The following TNFRSF8 variants were observed in gnomAD, a reference collection of about 807,000 sequenced individuals.
TNFRSF8 encodes tumor necrosis factor receptor superfamily member 8.
Under a neutral mutation model 70.8 loss-of-function variants are expected in TNFRSF8, and 26 were observed. The ratio of observed to expected loss-of-function variants is 0.37; its 90% CI spans 0.27 to 0.51. The LOEUF (loss-of-function observed/expected upper bound fraction) is 0.51. TNFRSF8 is among the 20% of genes least tolerant of loss of function. The pLI is 0.94. For missense variants in TNFRSF8, 720 were observed against 807.9 expected, an observed-to-expected ratio of 0.89 and a Z score of 1.32; for synonymous variants, 356 against 339.2, an observed-to-expected ratio of 1.05 and a Z score of -0.54.
At chr1:12,114,376 T>C (rs1241781625) in intron 7 of TNFRSF8, among the ~76,000 whole-genome samples, 3 of 152,168 alleles carry the variant, frequency 2.0e-5, no homozygotes, top group Admixed American at 6.5e-5. Context: ...TTGTCCCAAA[T>C]GGTTTCATTC....
At chr1:12,081,211 C>T (rs1044424982) in intron 1 of TNFRSF8, among the ~76,000 whole-genome samples, 2 of 152,138 alleles carry the variant, frequency 1.3e-5, no homozygotes, top group Non-Finnish European at 2.9e-5. Flanking sequence ...CCAGGTGTGC[C>T]CCAGGCCCCA....
intron 12 of TNFRSF8, among the ~76,000 whole-genome samples, chr1:12,127,307 C>T (rs536487595): frequency 6.6e-6 from 1 of 152,384 alleles, no homozygotes; most frequent in Admixed American, 6.5e-5. Flanking sequence ...TGTACTCCCC[C>T]AGTGATGACC....
rs1436368752 is a variant in TNFRSF8, at chr1:12,119,967, C to G, written c.947-3317C>G. 6.6e-6 allele frequency among the ~76,000 whole-genome samples: 1 copy of G among 152,160 alleles called. No homozygotes were observed. Among genetic ancestry groups the G allele is most frequent in the East Asian group, 1.9e-4 (1 of 5,200 alleles). On this transcript the variant is annotated intron_variant, in intron 8 of 14. Transcript: ENST00000263932. The surrounding 1 kb of genome is among the most constrained non-coding windows in gnomAD (Gnocchi z 4.4). Reference sequence around the variant, plus strand: ...CAGGGCCGAAGCTAGAACCAGAATGCAGGGATCCCAAGGGTCAGCCCAGAG... The same window carrying G: ...CAGGGCCGAAGCTAGAACCAGAATGGAGGGATCCCAAGGGTCAGCCCAGAG...
chr1:12,076,086 C>CT (rs372578463), intron 1 of TNFRSF8, among the ~76,000 whole-genome samples: 39 of 134,486 alleles, frequency 2.9e-4, no homozygotes, highest in Non-Finnish European at 5.1e-4. Flanking sequence ...TGGTTTTATT[C>CT]TTTTTTTTTT....
At chr1:12,074,042 A>G (rs549911215) in intron 1 of TNFRSF8, among the ~76,000 whole-genome samples, 1 of 151,108 alleles carries the variant, frequency 6.6e-6, no homozygotes, top group Non-Finnish European at 1.5e-5. Flanking sequence ...AATCTTCAGG[A>G]TCCCTGCAGT....
At chr1:12,069,593 T>C (rs142969408) in intron 1 of TNFRSF8, among the ~76,000 whole-genome samples, 2,123 of 152,312 alleles carry the variant, frequency 0.014, 44 homozygotes, top group African/African-American at 0.048. Context: ...ACACCTGTCC[T>C]CCAACATTTA....
chr1:12,090,504 C>G (rs1401717945), intron 2 of TNFRSF8, among the ~76,000 whole-genome samples: 2 of 151,102 alleles, frequency 1.3e-5, no homozygotes, highest in African/African-American at 2.4e-5. Flanking sequence ...ATCCACCCAC[C>G]CACTCATCCA....
At position 12,123,346 on chromosome 1, in the gene TNFRSF8, C is replaced by G. The variant is rs1641868823; in HGVS notation, c.1009C>G (p.Pro337Ala). 3 of 1,613,156 alleles carry G rather than the reference C, an allele frequency of 1.9e-6. No homozygotes were observed. The highest frequency in any genetic ancestry group is 1.7e-6 in the Non-Finnish European group (2 of 1,179,748). The change falls in exon 9 of 15, where the codon CCC (proline) becomes GCC (alanine). Residue 337 changes from proline to alanine, a missense_variant. Physicochemically the swap from Pro to Ala is conservative, Grantham distance 27. Transcript: ENST00000263932. Reference protein sequence around the residue: ...PPLGTQPDCNPTPENGEAPAS... With the variant: ...PPLGTQPDCNATPENGEAPAS... Reference sequence around the variant, plus strand: ...CCTGGGGACCCAGCCGGACTGCAACCCCACCCCAGAGAATGGCGAGGCGCC... The same window carrying G: ...CCTGGGGACCCAGCCGGACTGCAACGCCACCCCAGAGAATGGCGAGGCGCC...
chr1:12,087,575 A>G (rs976274256), intron 2 of TNFRSF8, among the ~76,000 whole-genome samples: 6 of 152,126 alleles, frequency 3.9e-5, no homozygotes, highest in African/African-American at 7.2e-5. Context: ...TTCCCTTGCT[A>G]GCCTGATGGT....
At chr1:12,065,126 C>T (rs985467473) in intron 1 of TNFRSF8, among the ~76,000 whole-genome samples, 1 of 137,438 alleles carries the variant, frequency 7.3e-6, no homozygotes. Context: ...TCTTGTTGCC[C>T]ATGCTGGAGT....
chr1:12,080,638 G>C (rs1641048336), intron 1 of TNFRSF8: 1 of 261,248 alleles, frequency 3.8e-6, no homozygotes, highest in Non-Finnish European at 7.6e-6. Context: ...GCTCACTGCA[G>C]CCTCCACCTC....
chr1:12,140,876 G>T (rs1389127274), intron 14 of TNFRSF8, among the ~76,000 whole-genome samples: 1 of 151,646 alleles, frequency 6.6e-6, no homozygotes, highest in East Asian at 2.0e-4. Flanking sequence ...CCCCTCCTGG[G>T]GTCTCCTCTC....
Position 12,142,315 on chromosome 1 carries a change from C to T in TNFRSF8, c.1572C>T (p.Thr524=), listed in dbSNP as rs767903702. 9.4e-6 allele frequency: 15 copies of T among 1,602,486 alleles called. No homozygotes were observed. Among genetic ancestry groups the T allele is most frequent in the African/African-American group, 5.3e-5 (4 of 74,794 alleles). ...AAATCTACATCATGAAGGCTGACAC[C>T]GTGATCGTGGGGACCGTGAAGGCTG... ...IEKIYIMKAD[T]VIVGTVKAEL... Residue 524 remains threonine, a synonymous_variant, in exon 15 of 15, where the codon ACC becomes ACT. Coordinates refer to ENST00000263932, the MANE Select transcript of TNFRSF8 (RefSeq NM_001243.5). This position sits in a 1 kb window ranked among gnomAD's most constrained non-coding sequence, Gnocchi z 5.0.
intron 12 of TNFRSF8, among the ~76,000 whole-genome samples, chr1:12,132,919 A>G (rs1291168831): frequency 6.6e-6 from 1 of 151,774 alleles, no homozygotes; most frequent in Admixed American, 6.6e-5. Context: ...AATCTTCTCA[A>G]CAAGCCCCAA....
At chr1:12,085,662 T>A (rs961969710) in intron 2 of TNFRSF8, among the ~76,000 whole-genome samples, 1 of 152,234 alleles carries the variant, frequency 6.6e-6, no homozygotes, top group African/African-American at 2.4e-5. Context: ...CTTTCTGGAA[T>A]GTTCCCCCAC....
chr1:12,125,005 C>T (rs1010881607), intron 10 of TNFRSF8, among the ~76,000 whole-genome samples: 3 of 152,228 alleles, frequency 2.0e-5, no homozygotes, highest in African/African-American at 7.2e-5. Flanking sequence ...AGTGCGGTCC[C>T]GTCTGGCAGC....
Position 12,125,943 on chromosome 1 carries a change from T to C in TNFRSF8, c.1154-8T>C, listed in dbSNP as rs373714460. On this transcript the variant is annotated splice_region_variant and splice_polypyrimidine_tract_variant and intron_variant, in intron 10 of 14. Transcript: ENST00000263932. ...AGGCAAAGAGTGTGGGGCGTCTCTGTGTTCCAGGGCCAGTGCTCTTCTGGG... is the reference window on the plus strand; with the variant it reads ...AGGCAAAGAGTGTGGGGCGTCTCTGCGTTCCAGGGCCAGTGCTCTTCTGGG... The C allele has an allele frequency of 1.2e-5, 20 of 1,613,072 alleles. No individual in the cohort carries two copies. In the Admixed American group the frequency reaches 3.0e-4, roughly 24 times the overall value.
Position 12,142,732 on chromosome 1 carries a change from C to T in TNFRSF8, c.*201C>T, listed in dbSNP as rs988618261. The T allele has an allele frequency of 1.5e-6, 1 of 659,538 alleles. No individual in the cohort carries two copies. The highest frequency in any genetic ancestry group is 2.5e-6 in the Non-Finnish European group (1 of 396,746). The allele number at this position is 659,538 out of a possible 1,614,324, so 40.9% of individuals were successfully genotyped here. A position where few individuals can be genotyped will look rare whatever the true frequency, so the allele number is the denominator to read the frequency against. On this transcript the variant is annotated 3_prime_UTR_variant, in exon 15 of 15. Coordinates refer to ENST00000263932, the MANE Select transcript of TNFRSF8 (RefSeq NM_001243.5). This position sits in a 1 kb window ranked among gnomAD's most constrained non-coding sequence, Gnocchi z 5.0. The stretch of plus-strand genomic sequence containing the variant: ...AACTTAGCTGTCCCCTGACCCAGAG[C>T]CTAGGGGATCCGGGGCTTGTACAGA...
intron 1 of TNFRSF8, among the ~76,000 whole-genome samples, chr1:12,082,651 T>C (rs1367125517): frequency 1.3e-5 from 2 of 151,628 alleles, no homozygotes; most frequent in African/African-American, 4.8e-5. Context: ...CGACCCCTAC[T>C]TCACACCATG....
Sources: allele counts gnomAD v4.1 joint callset (sites outside exome capture counted in the v4.1 genomes callset), GRCh38; gene constraint gnomAD v4.1.1; non-coding constraint Gnocchi (gnomAD v3.1); transcripts MANE v1.5; gene names NCBI Gene and HGNC (gene_info 2026-07-23, HGNC 2026-07-21).